TP63: variants seen among roughly 807,000 people sequenced by gnomAD.
TP63 encodes the protein tumor protein p63.
TP63 carries 17 observed loss-of-function variants against 82.8 expected under a neutral mutation model. That is an observed-to-expected ratio of 0.21 (90% CI 0.14 to 0.31). The LOEUF (loss-of-function observed/expected upper bound fraction) is 0.31. TP63 is among the 10% of genes least tolerant of loss of function. The pLI is 1.00. For missense variants in TP63, 648 were observed against 895.3 expected, an observed-to-expected ratio of 0.72 and a Z score of 3.52; for synonymous variants, 330 against 321.7, an observed-to-expected ratio of 1.03 and a Z score of -0.28.
At chr3:189,864,541 CTTTTTT>C (rs10714778) in intron 5 of TP63, 123 bp downstream of exon 5, 1,798 of 214,290 alleles carry the variant, frequency 8.4e-3, no homozygotes, top group East Asian at 0.011. Context: ...ATCAGTCTGC[CTTTTTT>C]TTTTTTTTTT....
At chr3:189,688,637 T>C (rs1716637749) in intron 1 of TP63, among the ~76,000 whole-genome samples, 1 of 152,178 alleles carries the variant, frequency 6.6e-6, no homozygotes, top group Non-Finnish European at 1.5e-5. Context: ...TGCAGGGGTT[T>C]ATGGCCAGAA....
intron 11 of TP63, 122 bp from the exon 12 acceptor site, chr3:189,889,218 G>C: frequency 7.0e-7 from 1 of 1,423,412 alleles, no homozygotes; most frequent in African/African-American, 1.4e-5. Flanking sequence ...TGAGAGCGAA[G>C]ATTAAAAAGG....
At chr3:189,631,628 G>T in intron 1 of TP63, 51 bp downstream of exon 1, 1 of 1,611,304 alleles carries the variant, frequency 6.2e-7, no homozygotes, top group Non-Finnish European at 8.5e-7. Flanking sequence ...GAAGTGCCTT[G>T]TGTATTATGA....
intron 3 of TP63, among the ~76,000 whole-genome samples, chr3:189,761,715 C>T (rs1026689048): frequency 6.6e-6 from 1 of 152,146 alleles, no homozygotes; most frequent in Non-Finnish European, 1.5e-5. Context: ...TACTAATTTA[C>T]TGTATTAGTC....
the TP63 span, among the ~76,000 whole-genome samples, chr3:189,607,356 G>A: frequency 6.6e-6 from 1 of 152,198 alleles, no homozygotes; most frequent in Admixed American, 6.5e-5. Context: ...GAAAATGCAG[G>A]AACTTTTGTG....
upstream of TP63, chr3:189,631,264 G>T (rs572014754): frequency 1.0e-6 from 1 of 985,366 alleles, no homozygotes; most frequent in Admixed American, 6.2e-5. Context: ...CAGTAGAGAG[G>T]ATGCCCAGCT....
At chr3:189,787,402 C>G (rs868156065) in intron 3 of TP63, among the ~76,000 whole-genome samples, 1 of 152,108 alleles carries the variant, frequency 6.6e-6, no homozygotes, top group Admixed American at 6.6e-5. Context: ...TAACTTGCCC[C>G]AAGGGCACGG....
intron 3 of TP63, among the ~76,000 whole-genome samples, chr3:189,757,438 G>A (rs913638323): frequency 4.6e-5 from 7 of 152,118 alleles, no homozygotes; most frequent in African/African-American, 1.7e-4. Context: ...ATTGATATTG[G>A]TGACATCCTA....
At chr3:189,708,935 A>G (rs1718394962) in intron 1 of TP63, among the ~76,000 whole-genome samples, 1 of 152,124 alleles carries the variant, frequency 6.6e-6, no homozygotes, top group Admixed American at 6.5e-5. Flanking sequence ...GAAATTTTAG[A>G]GTGTCAGTTT....
At chr3:189,844,352 C>T (rs1351198076) in intron 4 of TP63, 3 of 400,430 alleles carry the variant, frequency 7.5e-6, no homozygotes, top group African/African-American at 2.1e-5. Flanking sequence ...TTGGCACGAC[C>T]TCAGCTCACT....
At chr3:189,713,443 CT>C (rs1718741295) in intron 1 of TP63, among the ~76,000 whole-genome samples, 1 of 152,128 alleles carries the variant, frequency 6.6e-6, no homozygotes, top group Non-Finnish European at 1.5e-5. Context: ...GAGCTGAGTT[CT>C]TTTCATTTGA....
At chr3:189,893,719 A>C (rs1309975176) in intron 13 of TP63, among the ~76,000 whole-genome samples, 1 of 152,194 alleles carries the variant, frequency 6.6e-6, no homozygotes, top group Non-Finnish European at 1.5e-5. Context: ...AACAGGTCTA[A>C]TAATGTTTAC....
At chr3:189,738,945 TGG>T in intron 3 of TP63, 171 bp downstream of exon 3, 8 of 893,114 alleles carry the variant, frequency 9.0e-6, no homozygotes, top group Non-Finnish European at 1.4e-5. Flanking sequence ...TTATGCATTC[TGG>T]GTCTGCCGCA....
intron 1 of TP63, among the ~76,000 whole-genome samples, chr3:189,681,975 G>A (rs1057382167): frequency 9.9e-5 from 15 of 152,274 alleles, no homozygotes; most frequent in African/African-American, 3.1e-4. Context: ...GCTCATGCCT[G>A]TAATCTTAGC....
intron 3 of TP63, among the ~76,000 whole-genome samples, chr3:189,774,851 G>T (rs1723655782): frequency 6.6e-6 from 1 of 152,164 alleles, no homozygotes; most frequent in African/African-American, 2.4e-5. Flanking sequence ...CAAAATGTTA[G>T]TACTGTTATT....
At chr3:189,808,207 C>T (rs1727128916) in intron 3 of TP63, 65 bp from the exon 4 acceptor site, 3 of 1,613,876 alleles carry the variant, frequency 1.9e-6, no homozygotes, top group Non-Finnish European at 2.5e-6. Flanking sequence ...CCATGGATGC[C>T]TTTTTTTGGA....
chr3:189,879,456 A>G (rs1313611416), intron 10 of TP63, among the ~76,000 whole-genome samples: 1 of 152,174 alleles, frequency 6.6e-6, no homozygotes, highest in African/African-American at 2.4e-5. Context: ...ATCCATCTCA[A>G]TCTGGGAATA....
intron 1 of TP63, among the ~76,000 whole-genome samples, chr3:189,652,533 C>G (rs1712982640): frequency 6.8e-6 from 1 of 146,820 alleles, no homozygotes; most frequent in South Asian, 2.2e-4. Context: ...TCAGATGAGA[C>G]TTTGGGCTTG....
At chr3:189,861,479 C>T (rs985184725) in intron 4 of TP63, among the ~76,000 whole-genome samples, 4 of 152,074 alleles carry the variant, frequency 2.6e-5, no homozygotes, top group African/African-American at 9.7e-5. Context: ...GGCCATAATA[C>T]AGAGGGCCTC....
Sources: allele counts gnomAD v4.1 joint callset (sites outside exome capture counted in the v4.1 genomes callset), GRCh38; gene constraint gnomAD v4.1.1; transcripts MANE v1.5; gene names NCBI Gene and HGNC (gene_info 2026-07-23, HGNC 2026-07-21).